Variants in NPHP4 observed in about 807,000 individuals in gnomAD.
NPHP4 encodes nephrocystin 4.
NPHP4 carries 151 observed loss-of-function variants against 155.8 expected under a neutral mutation model. The observed-to-expected ratio is 0.97, with a 90% confidence interval of 0.85 to 1.11. The LOEUF (loss-of-function observed/expected upper bound fraction) is 1.11, where lower values mean the gene tolerates loss of function less well. NPHP4 is among the 50% of genes least tolerant of loss of function. The pLI is 0.00. For synonymous variants in NPHP4, 845 were observed against 816.8 expected (o/e 1.03, Z -0.59); for missense variants, 1,956 against 1,925.7 (o/e 1.02, Z -0.29).
At chr1:5,919,785 G>T (rs1415254797) in intron 11 of NPHP4, among the ~76,000 whole-genome samples, 1 of 151,890 alleles carries the variant, frequency 6.6e-6, no homozygotes, top group Non-Finnish European at 1.5e-5. Flanking sequence ...TGATGCCCAG[G>T]CTAGAGTACA....
At chr1:5,962,049 A>G in intron 5 of NPHP4, 100 bp from the exon 6 acceptor site, 1 of 884,420 alleles carries the variant, frequency 1.1e-6, no homozygotes, top group African/African-American at 1.7e-5. Context: ...CACCACAAAC[A>G]GGAAAAGGAC....
In NPHP4 at chr1:5,955,358, T is replaced by C. The variant is rs1291593813; in HGVS notation, c.674-2522A>G. On this transcript the variant is annotated intron_variant, in intron 6 of 29. Coordinates refer to ENST00000378156, the MANE Select transcript of NPHP4 (RefSeq NM_015102.5). ...AAAAGTTGAAAATAGAATTCCCATATAATTCAGCAATCCTACTACTGAGTA... is the reference window on the plus strand; with the variant it reads ...AAAAGTTGAAAATAGAATTCCCATACAATTCAGCAATCCTACTACTGAGTA... Among the ~76,000 whole-genome samples, 4 of 152,260 alleles carry C rather than the reference T, an allele frequency of 2.6e-5. No homozygotes were observed. The East Asian group carries it at 7.7e-4, about 29-fold the overall frequency.
At chr1:5,895,927 C>T (rs540389839) in intron 16 of NPHP4, among the ~76,000 whole-genome samples, 14 of 152,120 alleles carry the variant, frequency 9.2e-5, no homozygotes, top group African/African-American at 2.4e-4. Flanking sequence ...GCACAGGTGA[C>T]GTCTGTGCAG....
chr1:5,992,202 G>T (rs963702338), intron 1 of NPHP4, 42 bp downstream of exon 1: 7 of 152,186 alleles, frequency 4.6e-5, no homozygotes, highest in Non-Finnish European at 1.0e-4. Context: ...CCTCCCCCGC[G>T]GCGCCGGCCC....
chr1:5,892,414 G>A lies in NPHP4; in HGVS notation c.2144-1386C>T, dbSNP rs2100944487. 6.6e-6 allele frequency among the ~76,000 whole-genome samples: 1 copy of A among 152,180 alleles called. No individual in the cohort carries two copies. The highest frequency in any genetic ancestry group is 1.5e-5 in the Non-Finnish European group (1 of 67,966). ...TCTGGGATCAGTGTCTCCCTGTTTT[G>A]AAACCCAGAGCTCCTTAAGGGTGGG... On this transcript the variant is annotated intron_variant, in intron 16 of 29. Transcript: ENST00000378156. The surrounding 1 kb of genome is among the most constrained non-coding windows in gnomAD (Gnocchi z 4.5).
chr1:5,877,427 C>T, intron 19 of NPHP4, 129 bp from the exon 20 acceptor site: 1 of 600,862 alleles, frequency 1.7e-6, no homozygotes, highest in Admixed American at 3.3e-5. Flanking sequence ...ATGCTTTTTG[C>T]AGCTCCAATC....
At chr1:5,974,980 G>C (rs141842592) in intron 3 of NPHP4, among the ~76,000 whole-genome samples, 1 of 152,180 alleles carries the variant, frequency 6.6e-6, no homozygotes, top group South Asian at 2.1e-4. Flanking sequence ...CAGGCAATTA[G>C]TAAAGCCAGA....
At chr1:5,913,035 T>C (rs938335069) in intron 11 of NPHP4, among the ~76,000 whole-genome samples, 2 of 151,318 alleles carry the variant, frequency 1.3e-5, no homozygotes, top group African/African-American at 4.9e-5. Flanking sequence ...CCTGTAATCC[T>C]AGCTACTCGG....
At position 5,889,395 on chromosome 1, in the gene NPHP4, T is replaced by C. The variant is rs1294901424; in HGVS notation, c.2304+1473A>G. 6.6e-6 allele frequency among the ~76,000 whole-genome samples: 1 copy of C among 152,236 alleles called. No homozygotes were observed. The highest frequency in any genetic ancestry group is 1.5e-5 in the Non-Finnish European group (1 of 68,042). ...TAAGTTTTAAAGTTACAAGATTTTATTTTAGAAAAGTGAAGCTTTAAATTT... is the reference window on the plus strand; with the variant it reads ...TAAGTTTTAAAGTTACAAGATTTTACTTTAGAAAAGTGAAGCTTTAAATTT... On this transcript the variant is annotated intron_variant, in intron 17 of 29. Transcript: ENST00000378156. The surrounding 1 kb of genome is among the most constrained non-coding windows in gnomAD (Gnocchi z 4.2).
intron 6 of NPHP4, among the ~76,000 whole-genome samples, chr1:5,957,396 G>C (rs1649448447): frequency 6.6e-6 from 1 of 152,198 alleles, no homozygotes; most frequent in Non-Finnish European, 1.5e-5. Context: ...ACAGCCTCTT[G>C]GGGACACAGC....
At chr1:5,883,734 C>T (rs1028675697) in intron 18 of NPHP4, among the ~76,000 whole-genome samples, 7 of 152,210 alleles carry the variant, frequency 4.6e-5, no homozygotes, top group Admixed American at 3.3e-4. Flanking sequence ...CATCTGATAG[C>T]GAATGGTTCC....
At chr1:5,956,722 C>G (rs1024296202) in intron 6 of NPHP4, among the ~76,000 whole-genome samples, 7 of 152,204 alleles carry the variant, frequency 4.6e-5, no homozygotes, top group African/African-American at 1.7e-4. Context: ...TCAGACCTCC[C>G]AGGACGCTCT....
intron 22 of NPHP4, 81 bp downstream of exon 22, chr1:5,874,390 C>T (rs1473454485): frequency 2.1e-5 from 28 of 1,303,868 alleles, no homozygotes; most frequent in African/African-American, 3.0e-5. Context: ...AAGGGAGGGA[C>T]ACTGGTGGAG....
chr1:5,964,878 TATAA>T (rs1446189113), intron 5 of NPHP4, among the ~76,000 whole-genome samples: 1 of 142,146 alleles, frequency 7.0e-6, no homozygotes, highest in Non-Finnish European at 1.5e-5. Context: ...ATAACACACA[TATAA>T]ATATACTATA....
At chr1:5,983,817 C>T (rs765307219) in intron 2 of NPHP4, among the ~76,000 whole-genome samples, 71 of 152,302 alleles carry the variant, frequency 4.7e-4, no homozygotes, top group Non-Finnish European at 6.6e-4. Flanking sequence ...ACCTTGAAAT[C>T]TACTTTTTCT....
Position 5,914,025 on chromosome 1 carries a change from G to T in NPHP4, c.1442-4812C>A, listed in dbSNP as rs111391841. Reference sequence around the variant, plus strand: ...TGGGCTTCGCTTCTTCATCACGCACGCGGGCCAGGACATGAACAGGGATAG... The same window carrying T: ...TGGGCTTCGCTTCTTCATCACGCACTCGGGCCAGGACATGAACAGGGATAG... On this transcript the variant is annotated intron_variant, in intron 11 of 29. Transcript: ENST00000378156. 3.3e-3 allele frequency among the ~76,000 whole-genome samples: 496 copies of T among 152,106 alleles called. 3 individuals are homozygous for T. The highest frequency in any genetic ancestry group is 0.011 in the African/African-American group (466 of 41,480).
At position 5,864,524 on chromosome 1, in the gene NPHP4, G is replaced by C. The variant is rs1488891728; in HGVS notation, c.3817-7C>G. ...AGACACCTTTGGGGTCTGTCTTCAA[G>C]AGCGAGAGAGGCGGGTCAGAGCACA... On this transcript the variant is annotated splice_polypyrimidine_tract_variant and splice_region_variant and intron_variant, in intron 27 of 29. Coordinates refer to ENST00000378156, the MANE Select transcript of NPHP4 (RefSeq NM_015102.5). The C allele has an allele frequency of 1.3e-6, 2 of 1,544,356 alleles. No individual in the cohort carries two copies. The highest frequency in any genetic ancestry group is 2.0e-5 in the Admixed American group (1 of 51,224).
At chr1:5,991,248 G>T in intron 1 of NPHP4, among the ~76,000 whole-genome samples, 1 of 151,266 alleles carries the variant, frequency 6.6e-6, no homozygotes, top group East Asian at 2.0e-4. Flanking sequence ...CGGGAGAAAC[G>T]GTCTTGAACA....
At position 5,948,103 on chromosome 1, in the gene NPHP4, A is replaced by G; in HGVS notation, c.959T>C (p.Phe320Ser). The G allele has an allele frequency of 6.2e-7, 1 of 1,613,936 alleles. No homozygotes were observed. Among genetic ancestry groups the G allele is most frequent in the Non-Finnish European group, 8.5e-7 (1 of 1,179,876 alleles). ...GGAAGAGGAGACCACTTTCCTGCTG[A>G]AGCTAGCTGAGCGCGTCAAGGCCAC... ...MDVALTRSAS[F>S]SRKVVSSSKT... is the part of the protein sequence containing the mutation. Residue 320 changes from phenylalanine (F) to serine (S), a missense_variant, in exon 8 of 30, where the codon TTC becomes TCC. Transcript: ENST00000378156.
Sources: allele counts gnomAD v4.1 joint callset (sites outside exome capture counted in the v4.1 genomes callset), GRCh38; gene constraint gnomAD v4.1.1; non-coding constraint Gnocchi (gnomAD v3.1); transcripts MANE v1.5; gene names NCBI Gene and HGNC (gene_info 2026-07-23, HGNC 2026-07-21).